SLAMF1: variants seen among roughly 807,000 people sequenced by gnomAD.
The protein encoded by SLAMF1 is signaling lymphocytic activation molecule.
A neutral mutation model predicts 35.1 loss-of-function variants in SLAMF1; 18 were observed. The ratio of observed to expected loss-of-function variants is 0.51; its 90% confidence interval spans 0.35 to 0.76. The LOEUF (loss-of-function observed/expected upper bound fraction) is 0.76, where lower values mean the gene tolerates loss of function less well. SLAMF1 is among the 30% of genes least tolerant of loss of function. The pLI is 0.01. For missense variants in SLAMF1, 392 were observed against 413.0 expected, an observed-to-expected ratio of 0.95 and a Z score of 0.44; for synonymous variants, 168 against 157.2, an observed-to-expected ratio of 1.07 and a Z score of -0.51.
rs1392792421 is a variant in SLAMF1 at position 160,608,935 on chromosome 1, A to C, written c.*1813T>G. ...AAGAAGTGAAAGTGGAAAATGCCAG[A>C]TATTCAATTCCCAGCCCCCCTTGGA... On this transcript the variant is annotated 3_prime_UTR_variant, in exon 7 of 7. Coordinates refer to ENST00000302035, the MANE Select transcript of SLAMF1 (RefSeq NM_003037.5). The C allele has an allele frequency of 1.3e-5, 2 of 152,220 alleles. No homozygotes were observed. Among genetic ancestry groups the C allele is most frequent in the Non-Finnish European group, 2.9e-5 (2 of 68,046 alleles). 9.4% of individuals were successfully genotyped at this position (152,220 alleles called of 1,614,324 possible). A position where few individuals can be genotyped will look rare whatever the true frequency, so the allele number is the denominator to read the frequency against.
At chr1:160,633,320 G>C (rs1570998435) in intron 3 of SLAMF1, among the ~76,000 whole-genome samples, 1 of 152,192 alleles carries the variant, frequency 6.6e-6, no homozygotes, top group Non-Finnish European at 1.5e-5. Context: ...GCTATGAAAT[G>C]TCTGGGGAGG....
intron 1 of SLAMF1, among the ~76,000 whole-genome samples, chr1:160,638,207 TG>T (rs1374084226): frequency 6.6e-6 from 1 of 152,092 alleles, no homozygotes; most frequent in Non-Finnish European, 1.5e-5. Flanking sequence ...TTCCTGCTGC[TG>T]ATTATTTCAC....
rs2295612 is a variant in SLAMF1, at chr1:160,646,913, G to T, written c.33C>A (p.Phe11Leu). 0.18 allele frequency: 295,077 copies of T among 1,599,616 alleles called. 29,962 individuals are homozygous for T. Among genetic ancestry groups the T allele is most frequent in the Admixed American group, 0.26 (15,373 of 59,530 alleles). Reference sequence around the variant, plus strand: ...CAAAAGCCAGGGAGAGAAACAGCACGAAGGTCAAGGAGAGGAGCCCCTTGG... The same window carrying T: ...CAAAAGCCAGGGAGAGAAACAGCACTAAGGTCAAGGAGAGGAGCCCCTTGG... MDPKGLLSLTFVLFLSLAFGA... is the reference protein window; with the variant it reads MDPKGLLSLTLVLFLSLAFGA... The change falls in exon 1 of 7, where the codon TTC becomes TTA. Residue 11 changes from phenylalanine (F) to leucine (L), a missense_variant. Physicochemically the swap from Phe to Leu is conservative, Grantham distance 22 (BLOSUM62 0). Coordinates refer to ENST00000302035, the MANE Select transcript of SLAMF1 (RefSeq NM_003037.5).
At chr1:160,624,026 G>T in intron 4 of SLAMF1, 70 bp downstream of exon 4, 2 of 1,101,402 alleles carry the variant, frequency 1.8e-6, no homozygotes, top group Non-Finnish European at 2.7e-6. Context: ...GCAAGTCCGA[G>T]CCTGTGGAGA....
At position 160,646,889 on chromosome 1, in the gene SLAMF1, A is replaced by G. The variant is rs373529351; in HGVS notation, c.57T>C (p.Phe19=). 123 of 1,603,398 alleles carry G rather than the reference A, an allele frequency of 7.7e-5. No homozygotes were observed. Among genetic ancestry groups the G allele is most frequent in the Non-Finnish European group, 1.0e-4 (119 of 1,171,046 alleles). ...ACTCACCTGTTCCGTAGCTTGCCCC[A>G]AAAGCCAGGGAGAGAAACAGCACGA... is the stretch of plus-strand genomic sequence containing the variant. ...LTFVLFLSLA[F]GASYGTGGRM... Residue 19 remains phenylalanine (F), a synonymous_variant, in exon 1 of 7, where the codon TTT becomes TTC. Transcript: ENST00000302035.
chr1:160,634,697 T>C lies in SLAMF1; in HGVS notation c.616A>G (p.Ile206Val). 1 of 1,613,980 alleles carries C rather than the reference T, an allele frequency of 6.2e-7. No homozygotes were observed. Among genetic ancestry groups the C allele is most frequent in the Non-Finnish European group, 8.5e-7 (1 of 1,179,986 alleles). ...LTLGPQHADN[I>V]YICTVSNPIS... ...GGGTTGCTCACGGTGCAGATGTAGATATTGTCAGCATGCTGGGGGCCGAGG... is the reference window on the plus strand; with the variant it reads ...GGGTTGCTCACGGTGCAGATGTAGACATTGTCAGCATGCTGGGGGCCGAGG... Residue 206 changes from isoleucine (I) to valine (V), a missense_variant, in exon 3 of 7, where the codon ATC (isoleucine) becomes GTC (valine). Physicochemically the swap from Ile to Val is conservative, Grantham distance 29. Transcript: ENST00000302035.
At chr1:160,621,507 C>T (rs371744193) in intron 4 of SLAMF1, among the ~76,000 whole-genome samples, 2 of 144,282 alleles carry the variant, frequency 1.4e-5, no homozygotes, top group East Asian at 2.0e-4. Context: ...TGCAGTGAGC[C>T]GAGATCATGC....
Position 160,613,557 on chromosome 1 carries a change from G to A in SLAMF1, c.865-977C>T, listed in dbSNP as rs143677711. Among the ~76,000 whole-genome samples the A allele has an allele frequency of 1.5e-3, 224 of 152,296 alleles. 2 individuals carry two copies. Among genetic ancestry groups the A allele is most frequent in the Admixed American group, 4.4e-3 (67 of 15,296 alleles). On this transcript the variant is annotated intron_variant, in intron 5 of 6. Coordinates refer to ENST00000302035, the MANE Select transcript of SLAMF1 (RefSeq NM_003037.5). ...GGAAGTCATTAATTCAACACATTTT[G>A]GGGACACTGGTTATGGGATAATGCT...
chr1:160,637,228 A>G lies in SLAMF1; in HGVS notation c.378T>C (p.Val126=). The G allele has an allele frequency of 1.9e-6, 3 of 1,614,056 alleles. No homozygotes were observed. The highest frequency in any genetic ancestry group is 2.5e-6 in the Non-Finnish European group (3 of 1,179,978). ...ACTGCAGGCAAAAGCGCTGAACTGAAACATTTTTCTCCAGGGTCATAAGGT... is the reference window on the plus strand; with the variant it reads ...ACTGCAGGCAAAAGCGCTGAACTGAGACATTTTTCTCCAGGGTCATAAGGT... ...GWYLMTLEKN[V]SVQRFCLQLR... is the part of the protein sequence containing the mutation. Residue 126 remains valine (V), a synonymous_variant, in exon 2 of 7, where the codon GTT becomes GTC. Coordinates refer to ENST00000302035, the MANE Select transcript of SLAMF1 (RefSeq NM_003037.5).
chr1:160,638,598 A>G (rs1660578302), intron 1 of SLAMF1, among the ~76,000 whole-genome samples: 2 of 152,146 alleles, frequency 1.3e-5, no homozygotes, highest in South Asian at 4.1e-4. Flanking sequence ...TTTCCTTTAC[A>G]GCAAAGTGCT....
At chr1:160,623,946 AAGGTCCC>A in intron 4 of SLAMF1, 143 bp downstream of exon 4, 1 of 630,626 alleles carries the variant, frequency 1.6e-6, no homozygotes, top group Admixed American at 2.8e-5. Context: ...TGAATTAAGC[AAGGTCCC>A]AGGATATGTT....
rs145974534 is a variant in SLAMF1 at position 160,621,090 on chromosome 1, T to A, written c.791-1241A>T. ...TAGACCTATCTCATTCTTTCTAAAG[T>A]TGCACAGTATCCTTTGTATACATCA... On this transcript the variant is annotated intron_variant, in intron 4 of 6. Transcript: ENST00000302035. Among the ~76,000 whole-genome samples the A allele has an allele frequency of 2.2e-3, 332 of 152,310 alleles. 1 individual carries two copies. The highest frequency in any genetic ancestry group is 7.8e-3 in the African/African-American group (324 of 41,562).
intron 1 of SLAMF1, among the ~76,000 whole-genome samples, chr1:160,640,098 A>G (rs1376334383): frequency 6.6e-6 from 1 of 152,010 alleles, no homozygotes; most frequent in Middle Eastern, 3.2e-3. Context: ...TTATCACTGC[A>G]TTATATTATA....
intron 2 of SLAMF1, 108 bp from the exon 3 acceptor site, chr1:160,635,005 C>A (rs770094884): frequency 3.2e-6 from 3 of 940,878 alleles, no homozygotes; most frequent in Non-Finnish European, 3.2e-6. Context: ...TTCCCTCCCC[C>A]TCAATGTGAT....
Position 160,612,489 on chromosome 1 carries a change from T to A in SLAMF1, c.956A>T (p.Gln319Leu). 6.2e-7 allele frequency: 1 copy of A among 1,602,912 alleles called. No individual in the cohort carries two copies. Among genetic ancestry groups the A allele is most frequent in the Non-Finnish European group, 8.5e-7 (1 of 1,170,598 alleles). Reference sequence around the variant, plus strand: ...AGAGTAGGCAGAGAGATGCCTCACCTGGACAGACTCTGGGACAGGCTCTGT... The same window carrying A: ...AGAGTAGGCAGAGAGATGCCTCACCAGGACAGACTCTGGGACAGGCTCTGT... ...AATEPVPESV[Q>L]ETNSITVYAS... The change falls in exon 6 of 7, where the codon CAG becomes CTG. Residue 319 changes from glutamine (Q) to leucine (L), a missense_variant and splice_region_variant. Physicochemically the swap from Gln to Leu is moderately radical, Grantham distance 113. Coordinates refer to ENST00000302035, the MANE Select transcript of SLAMF1 (RefSeq NM_003037.5).
chr1:160,620,260 G>A (rs900929811), intron 4 of SLAMF1, among the ~76,000 whole-genome samples: 12 of 152,116 alleles, frequency 7.9e-5, no homozygotes, highest in African/African-American at 2.9e-4. Context: ...TGAGGGCAGG[G>A]CTAGTTGTTT....
chr1:160,627,215 T>A (rs1659928883), intron 3 of SLAMF1, among the ~76,000 whole-genome samples: 1 of 152,222 alleles, frequency 6.6e-6, no homozygotes, highest in Non-Finnish European at 1.5e-5. Flanking sequence ...AGTGTTGTTC[T>A]GAGAAACCCA....
At chr1:160,628,105 T>G (rs1376656658) in intron 3 of SLAMF1, among the ~76,000 whole-genome samples, 1 of 152,360 alleles carries the variant, frequency 6.6e-6, no homozygotes, top group African/African-American at 2.4e-5. Flanking sequence ...ATTAAACCTC[T>G]TTCCTTTATA....
chr1:160,624,264 G>T, intron 3 of SLAMF1, 79 bp from the exon 4 acceptor site: 1 of 978,902 alleles, frequency 1.0e-6, no homozygotes, highest in Non-Finnish European at 1.6e-6. Flanking sequence ...GTGGGATAAT[G>T]GAGCCTCATG....
Sources: gnomAD v4.1 joint callset for allele counts (sites outside exome capture counted in the v4.1 genomes callset) on GRCh38, gnomAD v4.1.1 for gene constraint, MANE v1.5 for transcripts, NCBI Gene and HGNC (gene_info 2026-07-23, HGNC 2026-07-21) for gene names.